The following NEK11 variants were observed in gnomAD, a reference collection of about 807,000 sequenced individuals.
NEK11 encodes NIMA related kinase 11, also known as serine/threonine-protein kinase Nek11.
Under a neutral mutation model 80.7 loss-of-function variants are expected in NEK11, and 72 were observed. The ratio of observed to expected loss-of-function variants is 0.89; its 90% CI spans 0.74 to 1.08. The LOEUF (loss-of-function observed/expected upper bound fraction) is 1.08, where lower values mean the gene tolerates loss of function less well. NEK11 is among the 50% of genes least tolerant of loss of function. The pLI is 0.00. For synonymous variants in NEK11, 251 were observed against 260.7 expected (o/e 0.96, Z 0.36); for missense variants, 764 against 763.6 (o/e 1.00, Z -0.01).
chr3:131,047,432 G>A (rs2067577372), intron 3 of NEK11, among the ~76,000 whole-genome samples: 1 of 152,188 alleles, frequency 6.6e-6, no homozygotes, highest in African/African-American at 2.4e-5. Flanking sequence ...GGGGCTCAAG[G>A]ACTGCTGTTT....
chr3:131,238,244 C>A (rs1403003250), intron 15 of NEK11, among the ~76,000 whole-genome samples: 1 of 152,196 alleles, frequency 6.6e-6, no homozygotes, highest in Non-Finnish European at 1.5e-5. Flanking sequence ...TCCTCTCCTA[C>A]TTTATTTTCT....
intron 16 of NEK11, among the ~76,000 whole-genome samples, chr3:131,254,034 A>G (rs1465759915): frequency 6.6e-6 from 1 of 152,168 alleles, no homozygotes; most frequent in African/African-American, 2.4e-5. Flanking sequence ...AAGGTAGCAG[A>G]CATGTAGCAT....
intron 4 of NEK11, among the ~76,000 whole-genome samples, chr3:131,087,455 G>C (rs1417968697): frequency 5.3e-5 from 8 of 151,974 alleles, no homozygotes; most frequent in Non-Finnish European, 1.2e-4. Context: ...TGTTGGCCAG[G>C]ATGTTCTCCA....
intron 15 of NEK11, among the ~76,000 whole-genome samples, chr3:131,237,155 C>T (rs1420158063): frequency 2.6e-5 from 4 of 152,028 alleles, no homozygotes; most frequent in African/African-American, 9.7e-5. Context: ...GCCTGGGCAA[C>T]ATAGTGAGAC....
intron 5 of NEK11, among the ~76,000 whole-genome samples, chr3:131,115,465 A>C (rs936835700): frequency 1.3e-5 from 2 of 152,196 alleles, no homozygotes; most frequent in African/African-American, 4.8e-5. Context: ...AGAAGAATGA[A>C]GTTACAGAAA....
chr3:131,271,865 C>T (rs1025006437), intron 16 of NEK11, among the ~76,000 whole-genome samples: 3 of 151,710 alleles, frequency 2.0e-5, no homozygotes, highest in African/African-American at 4.8e-5. Context: ...CCGAGGTGGG[C>T]GGATCACCTG....
chr3:131,105,907 T>G lies in NEK11; in HGVS notation c.337-3896T>G, dbSNP rs544525406. Among the ~76,000 whole-genome samples the G allele has an allele frequency of 3.3e-5, 5 of 152,374 alleles. No homozygotes were observed. The South Asian group carries it at 1.0e-3, about 32-fold the overall frequency. On this transcript the variant is annotated intron_variant, in intron 4 of 17. Transcript: ENST00000383366. ...TCTAGAACAAAAATTATTCTCTTTT[T>G]GTTTTAACAGAACAATTCACATCCT... is the stretch of plus-strand genomic sequence containing the variant.
At chr3:131,295,125 T>G (rs905444843) in intron 17 of NEK11, among the ~76,000 whole-genome samples, 1 of 152,172 alleles carries the variant, frequency 6.6e-6, no homozygotes, top group African/African-American at 2.4e-5. Flanking sequence ...TATTTCTTAC[T>G]GTTTTCTATT....
chr3:131,326,515 T>C (rs2096968944), intron 17 of NEK11, among the ~76,000 whole-genome samples: 1 of 152,188 alleles, frequency 6.6e-6, no homozygotes. Context: ...TTCTCCCAAG[T>C]CTTGGCTTGT....
intron 17 of NEK11, among the ~76,000 whole-genome samples, chr3:131,300,730 T>A (rs974964960): frequency 6.6e-6 from 1 of 152,178 alleles, no homozygotes; most frequent in Non-Finnish European, 1.5e-5. Context: ...TCTGTTCCAT[T>A]GTTCTGTGTG....
intron 3 of NEK11, 29 bp downstream of exon 3, chr3:131,029,907 G>A: frequency 6.2e-7 from 1 of 1,605,624 alleles, no homozygotes; most frequent in Non-Finnish European, 8.5e-7. Context: ...TATGAATCTT[G>A]AGTAGGCTGC....
At chr3:131,204,311 A>G (rs1198536497) in intron 14 of NEK11, among the ~76,000 whole-genome samples, 1 of 152,180 alleles carries the variant, frequency 6.6e-6, no homozygotes, top group African/African-American at 2.4e-5. Context: ...ATAAACCAGT[A>G]AACATCAGTG....
At chr3:131,207,345 A>G (rs1030267655) in intron 14 of NEK11, among the ~76,000 whole-genome samples, 4 of 152,156 alleles carry the variant, frequency 2.6e-5, no homozygotes, top group African/African-American at 9.7e-5. Flanking sequence ...GCACTTTGGG[A>G]GGCTGAGGCG....
intron 3 of NEK11, among the ~76,000 whole-genome samples, chr3:131,061,272 A>G (rs1335698653): frequency 1.3e-5 from 2 of 152,220 alleles, no homozygotes; most frequent in African/African-American, 2.4e-5. Flanking sequence ...CAGAAGTGGG[A>G]CTAGCAGACA....
At chr3:131,153,810 G>A (rs376316717) in intron 9 of NEK11, among the ~76,000 whole-genome samples, 3 of 152,154 alleles carry the variant, frequency 2.0e-5, no homozygotes, top group African/African-American at 7.2e-5. Flanking sequence ...CCAAGAAAAA[G>A]TAAGGATGTA....
intron 14 of NEK11, among the ~76,000 whole-genome samples, chr3:131,213,766 A>G (rs1180172297): frequency 6.6e-6 from 1 of 152,194 alleles, no homozygotes; most frequent in Non-Finnish European, 1.5e-5. Flanking sequence ...CTGAACCCAG[A>G]GTTCATCAAG....
chr3:131,196,850 T>C (rs983101686), intron 14 of NEK11, among the ~76,000 whole-genome samples: 13 of 151,016 alleles, frequency 8.6e-5, no homozygotes, highest in African/African-American at 2.7e-4. Flanking sequence ...TCTTTTCTTT[T>C]TTTTTTTTTT....
chr3:131,100,873 A>C (rs1420605465), intron 4 of NEK11, among the ~76,000 whole-genome samples: 1 of 151,990 alleles, frequency 6.6e-6, no homozygotes, highest in Non-Finnish European at 1.5e-5. Context: ...CTGGTGCAGG[A>C]CTTTTTTTGG....
intron 10 of NEK11, among the ~76,000 whole-genome samples, chr3:131,157,758 C>T (rs533437052): frequency 7.9e-5 from 12 of 152,180 alleles, no homozygotes; most frequent in African/African-American, 2.9e-4. Flanking sequence ...ACCTGTGCAC[C>T]GGGACCTCCA....
Sources: gnomAD v4.1 joint callset for allele counts (sites outside exome capture counted in the v4.1 genomes callset) on GRCh38, gnomAD v4.1.1 for gene constraint, MANE v1.5 for transcripts, NCBI Gene and HGNC (gene_info 2026-07-23, HGNC 2026-07-21) for gene names.